The following CPNE8 variants were observed in gnomAD, a reference collection of about 807,000 sequenced individuals.
CPNE8 encodes copine 8.
Under a neutral mutation model 81.5 loss-of-function variants are expected in CPNE8, and 45 were observed. The ratio of observed to expected loss-of-function variants is 0.55; its 90% CI spans 0.44 to 0.71. CPNE8 has a LOEUF of 0.71. CPNE8 is among the 30% of genes least tolerant of loss of function. The pLI, the probability that CPNE8 is intolerant of heterozygous loss-of-function variation, is 0.00. For synonymous variants in CPNE8, 252 were observed against 226.3 expected (o/e 1.11, Z -1.02); for missense variants, 594 against 672.1 (o/e 0.88, Z 1.28).
chr12:38,885,226 A>G (rs1334456124), intron 1 of CPNE8, among the ~76,000 whole-genome samples: 1 of 152,202 alleles, frequency 6.6e-6, no homozygotes, highest in East Asian at 1.9e-4. Context: ...TACATATATC[A>G]TATACAAGAA....
At chr12:38,749,176 A>T (rs766486722) in intron 10 of CPNE8, among the ~76,000 whole-genome samples, 2 of 152,058 alleles carry the variant, frequency 1.3e-5, no homozygotes, top group Non-Finnish European at 2.9e-5. Context: ...GAAAAATGGG[A>T]GTCTCCCTGC....
chr12:38,860,023 C>T (rs1381283498), intron 3 of CPNE8, among the ~76,000 whole-genome samples: 1 of 151,942 alleles, frequency 6.6e-6, no homozygotes, highest in Non-Finnish European at 1.5e-5. Flanking sequence ...TTGATTATAA[C>T]ACCAAAAGCA....
chr12:38,657,405 T>G lies in CPNE8; in HGVS notation c.1507-3335A>C, dbSNP rs145389670. 1.0e-3 allele frequency among the ~76,000 whole-genome samples: 157 copies of G among 152,188 alleles called. 1 individual carries two copies. Among genetic ancestry groups the G allele is most frequent in the African/African-American group, 3.5e-3 (145 of 41,534 alleles). On this transcript the variant is annotated intron_variant, in intron 19 of 19. Transcript: ENST00000331366. ...CGAACTGGGTGGAGCCCACTGCAGC[T>G]CAACAAGGCCTACTGCCTCTATAAA... is the stretch of plus-strand genomic sequence containing the variant.
chr12:38,759,589 T>A (rs995499497), intron 10 of CPNE8, among the ~76,000 whole-genome samples: 3 of 152,218 alleles, frequency 2.0e-5, no homozygotes, highest in Non-Finnish European at 4.4e-5. Context: ...AAACTTCAAA[T>A]CAGTGTTATA....
In CPNE8 at chr12:38,693,757, C is replaced by G. The variant is rs1422667660; in HGVS notation, c.1043G>C (p.Gly348Ala). ...ACTGTCATAATCTTGAACAATTTCT[C>G]CCACTGCTTTTAGTGCCATACCATA... is the stretch of plus-strand genomic sequence containing the variant. Reference protein sequence around the residue: ...NAYGMALKAVGEIVQDYDSDK... With the variant: ...NAYGMALKAVAEIVQDYDSDK... Residue 348 changes from glycine to alanine, a missense_variant, in exon 15 of 20, where the codon GGA (glycine) becomes GCA (alanine). Gly to Ala is a moderately conservative substitution (Grantham distance 60). Coordinates refer to ENST00000331366, the MANE Select transcript of CPNE8 (RefSeq NM_153634.3). 6.2e-7 allele frequency: 1 copy of G among 1,613,400 alleles called. No homozygotes were observed. Among genetic ancestry groups the G allele is most frequent in the African/African-American group, 1.3e-5 (1 of 74,886 alleles).
rs1257697606 is a variant in CPNE8 at position 38,903,574 on chromosome 12, T to C, written c.98+1863A>G. ...GGTATAATTTCCCTTAAAAAGCTCA[T>C]GGAAAAATTCAGACTTGATTGACAA... On this transcript the variant is annotated intron_variant, in intron 1 of 19. Coordinates refer to ENST00000331366, the MANE Select transcript of CPNE8 (RefSeq NM_153634.3). 3.0e-4 allele frequency among the ~76,000 whole-genome samples: 45 copies of C among 152,210 alleles called. 1 individual carries two copies. The highest frequency in any genetic ancestry group is 4.4e-5 in the Non-Finnish European group (3 of 68,022).
At chr12:38,784,402 C>T (rs1468913112) in intron 6 of CPNE8, among the ~76,000 whole-genome samples, 1 of 152,080 alleles carries the variant, frequency 6.6e-6, no homozygotes, top group African/African-American at 2.4e-5. Context: ...AATCTAAAAG[C>T]TACTGGCCTT....
intron 4 of CPNE8, among the ~76,000 whole-genome samples, chr12:38,841,435 G>A (rs1943466600): frequency 6.6e-6 from 1 of 152,128 alleles, no homozygotes; most frequent in Admixed American, 6.6e-5. Flanking sequence ...AAAATACAAT[G>A]TGTGACTCTT....
chr12:38,762,988 A>G (rs1468250312), intron 8 of CPNE8, among the ~76,000 whole-genome samples: 1 of 152,138 alleles, frequency 6.6e-6, no homozygotes. Flanking sequence ...CTTTCCGAGT[A>G]GCTGGGATTA....
At chr12:38,696,702 T>A (rs1278282335) in intron 14 of CPNE8, among the ~76,000 whole-genome samples, 4 of 152,178 alleles carry the variant, frequency 2.6e-5, no homozygotes, top group Non-Finnish European at 5.9e-5. Flanking sequence ...AGAATATTTT[T>A]AAGAGTTTAT....
chr12:38,723,887 CCTTT>C, intron 12 of CPNE8, 54 bp from the exon 13 acceptor site: 1 of 960,788 alleles, frequency 1.0e-6, no homozygotes, highest in Non-Finnish European at 1.6e-6. Context: ...CCCAAATAGA[CCTTT>C]CTAATTATTA....
At position 38,697,989 on chromosome 12, in the gene CPNE8, T is replaced by A. The variant is rs182748485; in HGVS notation, c.962-4151A>T. ...TTATAAATTACCCAGTCTCAGGTATTCCTTTACAGCAATGCAAATGAAACA... is the reference window on the plus strand; with the variant it reads ...TTATAAATTACCCAGTCTCAGGTATACCTTTACAGCAATGCAAATGAAACA... On this transcript the variant is annotated intron_variant, in intron 14 of 19. Coordinates refer to ENST00000331366, the MANE Select transcript of CPNE8 (RefSeq NM_153634.3). 4.3e-4 allele frequency among the ~76,000 whole-genome samples: 65 copies of A among 152,332 alleles called. No individual in the cohort carries two copies. In the East Asian group the frequency reaches 7.3e-3, roughly 17 times the overall value.
intron 13 of CPNE8, among the ~76,000 whole-genome samples, chr12:38,716,814 CT>C (rs1940405950): frequency 6.6e-6 from 1 of 152,078 alleles, no homozygotes; most frequent in Admixed American, 6.6e-5. Context: ...CAAAAAGCTT[CT>C]GTACAGCCAA....
At chr12:38,791,041 C>A (rs983570344) in intron 6 of CPNE8, among the ~76,000 whole-genome samples, 3 of 151,730 alleles carry the variant, frequency 2.0e-5, no homozygotes, top group Non-Finnish European at 4.4e-5. Context: ...TTCGTTAATG[C>A]CAAACTGATC....
intron 15 of CPNE8, among the ~76,000 whole-genome samples, chr12:38,687,707 G>T (rs1460798356): frequency 3.9e-5 from 6 of 152,214 alleles, no homozygotes; most frequent in Admixed American, 3.9e-4. Flanking sequence ...CTACAAGGCT[G>T]GGGAGCTTAG....
chr12:38,803,338 C>A (rs1415609852), intron 6 of CPNE8, among the ~76,000 whole-genome samples: 8 of 105,634 alleles, frequency 7.6e-5, no homozygotes, highest in African/African-American at 2.4e-4. Flanking sequence ...CCCTGGGATG[C>A]AAGGCTGGTT....
intron 1 of CPNE8, among the ~76,000 whole-genome samples, chr12:38,886,939 A>G (rs556265608): frequency 1.3e-5 from 2 of 152,250 alleles, no homozygotes; most frequent in African/African-American, 4.8e-5. Flanking sequence ...AGTTGTGAAT[A>G]TATGGATTTA....
At chr12:38,695,103 T>G (rs1458090759) in intron 14 of CPNE8, among the ~76,000 whole-genome samples, 1 of 152,204 alleles carries the variant, frequency 6.6e-6, no homozygotes, top group African/African-American at 2.4e-5. Flanking sequence ...TTGACTAAAC[T>G]TGTAGAAAGT....
intron 6 of CPNE8, among the ~76,000 whole-genome samples, chr12:38,806,711 CT>C (rs992998351): frequency 3.6e-4 from 51 of 141,452 alleles, no homozygotes; most frequent in African/African-American, 1.3e-3. Flanking sequence ...GATGCCCTCT[CT>C]CACCACTCCT....
Sources: allele counts gnomAD v4.1 joint callset (sites outside exome capture counted in the v4.1 genomes callset), GRCh38; gene constraint gnomAD v4.1.1; transcripts MANE v1.5; gene names NCBI Gene and HGNC (gene_info 2026-07-23, HGNC 2026-07-21).